Variants in NDUFA11 observed in about 807,000 individuals in gnomAD.
NDUFA11 encodes NADH:ubiquinone oxidoreductase subunit A11, also known as NADH dehydrogenase [ubiquinone] 1 alpha subcomplex subunit 11.
NDUFA11 carries 14 observed loss-of-function variants against 11.3 expected under a neutral mutation model. The observed-to-expected ratio is 1.24, with a 90% CI of 0.82 to 1.94. NDUFA11 has a LOEUF of 1.94. Ranked by LOEUF, NDUFA11 falls within the 30% of genes most tolerant of loss-of-function variation. The pLI, the probability that NDUFA11 is intolerant of heterozygous loss-of-function variation, is 0.00. For missense variants in NDUFA11, 204 were observed against 200.3 expected, an observed-to-expected ratio of 1.02 and a Z score of -0.11; for synonymous variants, 87 against 85.6, an observed-to-expected ratio of 1.02 and a Z score of -0.09.
chr19:5,895,062 C>T (rs2057599211), intron 3 of NDUFA11: 1 of 618,992 alleles, frequency 1.6e-6, no homozygotes, highest in Non-Finnish European at 2.8e-6. Context: ...CAGGTTGCTT[C>T]CCAGCAGGAA....
chr19:5,893,064 T>C (rs1378399053), downstream of NDUFA11: 10 of 1,535,858 alleles, frequency 6.5e-6, no homozygotes, highest in Admixed American at 3.9e-5. The surrounding 1 kb of genome is among the most constrained non-coding windows in gnomAD (Gnocchi z 4.1). Flanking sequence ...GCTCCGGAAG[T>C]GGACGTGACC....
downstream of NDUFA11, among the ~76,000 whole-genome samples, chr19:5,894,509 T>G (rs1254382748): frequency 2.0e-5 from 3 of 152,176 alleles, no homozygotes; most frequent in Non-Finnish European, 4.4e-5. Context: ...CCCAGCCTGA[T>G]GCACTACCAG....
chr19:5,893,050 C>G, downstream of NDUFA11: 2 of 1,535,892 alleles, frequency 1.3e-6, no homozygotes, highest in Non-Finnish European at 1.7e-6. This position sits in a 1 kb window ranked among gnomAD's most constrained non-coding sequence, Gnocchi z 4.1. Context: ...GGCCCGGGCA[C>G]CCAGCTCCGG....
chr19:5,893,352 C>T (rs1387335220), downstream of NDUFA11: 2 of 708,328 alleles, frequency 2.8e-6, no homozygotes, highest in East Asian at 2.7e-5. The surrounding 1 kb of genome is among the most constrained non-coding windows in gnomAD (Gnocchi z 4.1). Context: ...GCAGTCCCAG[C>T]TACCAGGGAG....
intron 1 of NDUFA11, among the ~76,000 whole-genome samples, chr19:5,899,439 C>T (rs1440189970): frequency 4.1e-5 from 6 of 144,956 alleles, no homozygotes; most frequent in Non-Finnish European, 6.0e-5. Flanking sequence ...CGTGAGCCAC[C>T]GCGCCCGGAC....
downstream of NDUFA11, among the ~76,000 whole-genome samples, chr19:5,894,341 G>A (rs2057594114): frequency 6.6e-6 from 1 of 152,152 alleles, no homozygotes; most frequent in Admixed American, 6.5e-5. Flanking sequence ...GGGGGGTTGT[G>A]ACCAGAGCCC....
In NDUFA11 at chr19:5,896,582, G is replaced by T. The variant is rs2057610974; in HGVS notation, c.191-7C>A. On this transcript the variant is annotated splice_polypyrimidine_tract_variant and splice_region_variant and intron_variant, in intron 2 of 3. Transcript: ENST00000308961. The surrounding 1 kb of genome is among the most constrained non-coding windows in gnomAD (Gnocchi z 5.8). ...AACACGGCCCCGACAGCAGCTGCGG[G>T]GTAGACGGGAAGAGCAAGGGCCTCG... 2 of 1,562,472 alleles carry T rather than the reference G, an allele frequency of 1.3e-6. No individual in the cohort carries two copies. Among genetic ancestry groups the T allele is most frequent in the African/African-American group, 1.4e-5 (1 of 73,578 alleles).
intron 1 of NDUFA11, chr19:5,901,276 G>C: frequency 8.0e-7 from 1 of 1,249,012 alleles, no homozygotes; most frequent in South Asian, 1.3e-5. Context: ...CTCAGTTTCA[G>C]ATCCTATCCC....
chr19:5,899,449 CTCT>C (rs2057631388), intron 1 of NDUFA11, among the ~76,000 whole-genome samples: 1 of 91,408 alleles, frequency 1.1e-5, no homozygotes, highest in African/African-American at 4.1e-5. Context: ...CGCGCCCGGA[CTCT>C]TTTTTTTTTT....
chr19:5,900,642 G>A lies in NDUFA11; in HGVS notation c.97+2970C>T, dbSNP rs374447689. Among the ~76,000 whole-genome samples the A allele has an allele frequency of 1.2e-4, 19 of 152,336 alleles. No individual in the cohort carries two copies. The East Asian group carries it at 3.1e-3, about 25-fold the overall frequency. On this transcript the variant is annotated intron_variant, in intron 1 of 3. Coordinates refer to ENST00000308961, the MANE Select transcript of NDUFA11 (RefSeq NM_175614.5). ...CTGAAGAATTTAGGGAGAAGGGTGG[G>A]TGCAGTGGCTCACGCCTGTAATCCC...
At chr19:5,895,097 C>T (rs2057599389) in intron 3 of NDUFA11, 1 of 541,758 alleles carries the variant, frequency 1.8e-6, no homozygotes, top group Admixed American at 3.2e-5. Flanking sequence ...CCTCATCCCG[C>T]CCCACACTGA....
At chr19:5,892,811 C>A (rs767959181), downstream of NDUFA11, 14 of 1,335,644 alleles carry the variant, frequency 1.0e-5, no homozygotes, top group African/African-American at 1.5e-5. Context: ...GAGGTGGAAT[C>A]GTCTTTCTTT....
At chr19:5,899,567 C>G (rs1599695305) in intron 1 of NDUFA11, among the ~76,000 whole-genome samples, 1 of 149,490 alleles carries the variant, frequency 6.7e-6, no homozygotes, top group East Asian at 2.0e-4. Context: ...TTTCCCACCT[C>G]AGCCTCCTGA....
At chr19:5,897,321 G>A (rs1032656890) in intron 1 of NDUFA11, among the ~76,000 whole-genome samples, 30 of 152,196 alleles carry the variant, frequency 2.0e-4, no homozygotes, top group Admixed American at 3.3e-4. Context: ...GCCGGCAGAC[G>A]GAGACTCATC....
In NDUFA11 at chr19:5,896,994, A is replaced by G; in HGVS notation, c.101T>C (p.Leu34Pro). 1 of 1,613,858 alleles carries G rather than the reference A, an allele frequency of 6.2e-7. No homozygotes were observed. The highest frequency in any genetic ancestry group is 8.5e-7 in the Non-Finnish European group (1 of 1,179,822). The change falls in exon 2 of 4, where the codon CTG becomes CCG. Residue 34 changes from leucine to proline, a missense_variant. Transcript: ENST00000308961. The surrounding 1 kb of genome is among the most constrained non-coding windows in gnomAD (Gnocchi z 5.8). ...STTSIASVAG[L>P]TAAAYRVTLN... ...TGTGACTCTGTAGGCAGCGGCGGTCAGGCCTGCGAGACAGAGGAGGGAGGC... is the reference window on the plus strand; with the variant it reads ...TGTGACTCTGTAGGCAGCGGCGGTCGGGCCTGCGAGACAGAGGAGGGAGGC...
chr19:5,892,543 C>G (rs538900895), downstream of NDUFA11: 2 of 181,386 alleles, frequency 1.1e-5, no homozygotes, highest in Non-Finnish European at 1.2e-5. Flanking sequence ...TAGAAGCCAT[C>G]ACTTCCCGGC....
chr19:5,896,435 G>C lies in NDUFA11; in HGVS notation c.313+18C>G, dbSNP rs746096877. On this transcript the variant is annotated intron_variant, in intron 3 of 3. Coordinates refer to ENST00000308961, the MANE Select transcript of NDUFA11 (RefSeq NM_175614.5). The surrounding 1 kb of genome is among the most constrained non-coding windows in gnomAD (Gnocchi z 5.8). ...GCCAGGCTGGGAGGAGGGTGGGGGT[G>C]GGGAGGGGGCCACTCACTGCGTGCT... 3.3e-5 allele frequency: 37 copies of C among 1,116,588 alleles called. No individual in the cohort carries two copies. Among genetic ancestry groups the C allele is most frequent in the Non-Finnish European group, 4.7e-5 (36 of 767,818 alleles). 69.2% of individuals were successfully genotyped at this position (1,116,588 alleles called of 1,614,324 possible).
At chr19:5,899,080 C>T (rs1342901521) in intron 1 of NDUFA11, among the ~76,000 whole-genome samples, 2 of 151,810 alleles carry the variant, frequency 1.3e-5, no homozygotes, top group African/African-American at 2.4e-5. Context: ...CACACACACA[C>T]ACATCCCCCC....
At chr19:5,903,435 CCCTA>C (rs774602200) in intron 1 of NDUFA11, among the ~76,000 whole-genome samples, 173 bp downstream of exon 1, 105 of 152,256 alleles carry the variant, frequency 6.9e-4, no homozygotes, top group Non-Finnish European at 1.0e-3. Context: ...CTGCTGGACC[CCCTA>C]CCAACATCCA....
Sources: gnomAD v4.1 joint callset for allele counts (sites outside exome capture counted in the v4.1 genomes callset) on GRCh38, gnomAD v4.1.1 for gene constraint, Gnocchi (gnomAD v3.1) non-coding constraint, MANE v1.5 for transcripts, NCBI Gene and HGNC (gene_info 2026-07-23, HGNC 2026-07-21) for gene names.